The following GUCY1A2 variants were observed in gnomAD, a reference collection of about 807,000 sequenced individuals.
GUCY1A2 encodes the protein guanylate cyclase soluble subunit alpha-2.
In GUCY1A2, 27 loss-of-function variants were observed where a neutral mutation model predicts 63.5. The ratio of observed to expected loss-of-function variants is 0.43; its 90% CI spans 0.31 to 0.59. The LOEUF is 0.59. GUCY1A2 is among the 20% of genes least tolerant of loss of function. The pLI, the probability that GUCY1A2 is intolerant of heterozygous loss-of-function variation, is 0.11. For missense variants in GUCY1A2, 768 were observed against 913.3 expected, an observed-to-expected ratio of 0.84 and a Z score of 2.05; for synonymous variants, 364 against 343.5, an observed-to-expected ratio of 1.06 and a Z score of -0.66.
chr11:106,870,336 C>G (rs1287711619), intron 4 of GUCY1A2, among the ~76,000 whole-genome samples: 1 of 151,996 alleles, frequency 6.6e-6, no homozygotes, highest in Non-Finnish European at 1.5e-5. Flanking sequence ...TATAATTTAA[C>G]ACTGTTAAAT....
chr11:106,881,437 T>A (rs569895029), intron 4 of GUCY1A2, among the ~76,000 whole-genome samples: 4 of 152,080 alleles, frequency 2.6e-5, no homozygotes, highest in African/African-American at 9.7e-5. Context: ...AGAATGAGTA[T>A]ACAACTTGCT....
In GUCY1A2 at chr11:107,018,073, A is replaced by T; in HGVS notation, c.-18T>A. The T allele has an allele frequency of 7.0e-7, 1 of 1,427,918 alleles. No homozygotes were observed. The allele number at this position is 1,427,918 out of a possible 1,614,324, so 88.5% of individuals were successfully genotyped here. A position where few individuals can be genotyped will look rare whatever the true frequency, so the allele number is the denominator to read the frequency against. On this transcript the variant is annotated 5_prime_UTR_variant, in exon 1 of 8. Transcript: ENST00000526355. ...CGAGACATGCTGCCGGCGGAGCTGC[A>T]GCGGCCGAGGCGGTGGCGGCGAGGA...
chr11:106,703,769 A>G (rs1473155293), intron 7 of GUCY1A2, among the ~76,000 whole-genome samples: 1 of 151,990 alleles, frequency 6.6e-6, no homozygotes. Context: ...ATATATGATT[A>G]CTTACTAATT....
chr11:106,916,753 A>T (rs557904830), intron 4 of GUCY1A2, among the ~76,000 whole-genome samples: 2 of 145,670 alleles, frequency 1.4e-5, no homozygotes, highest in Admixed American at 1.4e-4. Context: ...TTCAGTCCAG[A>T]TATATCTTGA....
intron 4 of GUCY1A2, among the ~76,000 whole-genome samples, chr11:106,823,526 T>G (rs1858929674): frequency 6.6e-6 from 1 of 152,182 alleles, no homozygotes; most frequent in Non-Finnish European, 1.5e-5. Context: ...TCCATGACTT[T>G]CCTATTGTGA....
At chr11:106,709,732 T>C (rs187098097) in intron 6 of GUCY1A2, among the ~76,000 whole-genome samples, 111 of 45,538 alleles carry the variant, frequency 2.4e-3, no homozygotes, top group Admixed American at 3.6e-3. Context: ...ATAGAATATA[T>C]AGTTATATAC....
chr11:106,965,800 T>C, intron 3 of GUCY1A2, among the ~76,000 whole-genome samples: 1 of 152,054 alleles, frequency 6.6e-6, no homozygotes, highest in East Asian at 1.9e-4. Context: ...CAAAATACAA[T>C]GCTACAGCCT....
chr11:106,900,476 T>C (rs1440640750), intron 4 of GUCY1A2, among the ~76,000 whole-genome samples: 3 of 152,216 alleles, frequency 2.0e-5, no homozygotes, highest in African/African-American at 7.2e-5. Flanking sequence ...AACATAATTA[T>C]TAATCTAAAA....
chr11:106,822,809 C>T (rs1263119951), intron 4 of GUCY1A2, among the ~76,000 whole-genome samples: 1 of 152,004 alleles, frequency 6.6e-6, no homozygotes, highest in African/African-American at 2.4e-5. Context: ...TACAGTAATA[C>T]CTCTATTAAT....
At position 106,709,932 on chromosome 11, in the gene GUCY1A2, A is replaced by G. The variant is rs1187939103; in HGVS notation, c.1837-1266T>C. On this transcript the variant is annotated intron_variant, in intron 6 of 7. Transcript: ENST00000526355. Reference sequence around the variant, plus strand: ...AGTTATATATAACATATAGTTATATATTATATACATGTATATAACATATAG... The same window carrying G: ...AGTTATATATAACATATAGTTATATGTTATATACATGTATATAACATATAG... 1.1e-3 allele frequency among the ~76,000 whole-genome samples: 140 copies of G among 132,682 alleles called. 2 individuals carry two copies. The highest frequency in any genetic ancestry group is 3.7e-3 in the African/African-American group (134 of 36,038). The allele number at this position is 132,682 out of a possible 152,430, so 87.0% of individuals were successfully genotyped here.
At chr11:107,015,709 T>C (rs1272877036) in intron 1 of GUCY1A2, among the ~76,000 whole-genome samples, 2 of 152,102 alleles carry the variant, frequency 1.3e-5, no homozygotes, top group African/African-American at 2.4e-5. Flanking sequence ...GCACAAATGT[T>C]GCTTTAAGTA....
chr11:106,893,653 A>G (rs1041903509), intron 4 of GUCY1A2, among the ~76,000 whole-genome samples: 2 of 152,194 alleles, frequency 1.3e-5, no homozygotes, highest in Non-Finnish European at 2.9e-5. Flanking sequence ...TCTTAAATCT[A>G]TAAGAGAAAT....
rs117166820 is a variant in GUCY1A2 at position 106,896,854 on chromosome 11, C to A, written c.1206+42606G>T. Among the ~76,000 whole-genome samples the A allele has an allele frequency of 7.8e-4, 119 of 152,166 alleles. 5 individuals are homozygous for A. The East Asian group carries it at 0.021, about 27-fold the overall frequency. On this transcript the variant is annotated intron_variant, in intron 4 of 7. Transcript: ENST00000526355. ...ATAAATTATCAAGACTGTGTTATCA[C>A]AGAACAAATGAACTAGGACAAAAAG...
At chr11:106,866,043 T>C (rs1038105120) in intron 4 of GUCY1A2, among the ~76,000 whole-genome samples, 1 of 151,898 alleles carries the variant, frequency 6.6e-6, no homozygotes, top group Non-Finnish European at 1.5e-5. Flanking sequence ...CACATATGTG[T>C]TAAGGCTTAT....
At chr11:106,895,399 A>C (rs1860033089) in intron 4 of GUCY1A2, among the ~76,000 whole-genome samples, 1 of 152,150 alleles carries the variant, frequency 6.6e-6, no homozygotes, top group Non-Finnish European at 1.5e-5. Flanking sequence ...CTGTGTCCCC[A>C]CCAAATCTTA....
At chr11:106,878,646 G>A (rs1378108779) in intron 4 of GUCY1A2, among the ~76,000 whole-genome samples, 1 of 151,892 alleles carries the variant, frequency 6.6e-6, no homozygotes, top group Non-Finnish European at 1.5e-5. Context: ...GGTGGGAAGA[G>A]GGAGAGGATC....
At chr11:107,016,226 C>A (rs755630647) in intron 1 of GUCY1A2, among the ~76,000 whole-genome samples, 1 of 152,146 alleles carries the variant, frequency 6.6e-6, no homozygotes, top group East Asian at 1.9e-4. Context: ...AGATTCATTT[C>A]GGAAACTTTA....
intron 6 of GUCY1A2, among the ~76,000 whole-genome samples, chr11:106,724,712 T>C (rs865852212): frequency 6.6e-6 from 1 of 152,242 alleles, no homozygotes; most frequent in Middle Eastern, 3.2e-3. Flanking sequence ...ATTGTTACTC[T>C]CGCAGCTTTC....
intron 4 of GUCY1A2, among the ~76,000 whole-genome samples, chr11:106,866,152 G>A (rs1859589565): frequency 6.6e-6 from 1 of 151,818 alleles, no homozygotes; most frequent in Non-Finnish European, 1.5e-5. Flanking sequence ...AGCTACTTCT[G>A]GCTCTGGCAG....
Sources: allele counts gnomAD v4.1 joint callset (sites outside exome capture counted in the v4.1 genomes callset), GRCh38; gene constraint gnomAD v4.1.1; transcripts MANE v1.5; gene names NCBI Gene and HGNC (gene_info 2026-07-23, HGNC 2026-07-21).